Variants in FOXP2 observed in about 807,000 individuals in gnomAD.
The protein encoded by FOXP2 is forkhead box P2, also known as forkhead box protein P2.
Under a neutral mutation model 115.8 loss-of-function variants are expected in FOXP2, and 12 were observed. That is an observed-to-expected ratio of 0.10 (90% confidence interval 0.07 to 0.17). FOXP2 has a LOEUF of 0.17. Ranked by LOEUF, FOXP2 falls within the 10% of genes least tolerant of loss-of-function variation. FOXP2 has a pLI of 1.00. For synonymous variants in FOXP2, 328 were observed against 297.7 expected, an observed-to-expected ratio of 1.10 and a Z score of -1.05; for missense variants, 629 against 843.5, an observed-to-expected ratio of 0.75 and a Z score of 3.15.
In FOXP2 at chr7:114,262,024, C is replaced by T. The variant is rs575173893; in HGVS notation, c.-101-25995C>T. On this transcript the variant is annotated intron_variant, in intron 1 of 17. Transcript: ENST00000634411. The stretch of plus-strand genomic sequence containing the variant: ...AGTGAGCCCGGATCACGCCATTGTA[C>T]TCCAGCCTGGGTGATAAGAGCGAGA... Among the ~76,000 whole-genome samples, 36 of 152,234 alleles carry T rather than the reference C, an allele frequency of 2.4e-4. 1 individual carries two copies. In the East Asian group the frequency reaches 7.0e-3, roughly 29 times the overall value.
chr7:114,377,202 G>A (rs890845731), intron 2 of FOXP2, among the ~76,000 whole-genome samples: 2 of 152,190 alleles, frequency 1.3e-5, no homozygotes, highest in Non-Finnish European at 2.9e-5. Flanking sequence ...TTGATGAGAT[G>A]TAGAATTCAA....
At chr7:114,686,311 T>A (rs1808364220) in intron 16 of FOXP2, among the ~76,000 whole-genome samples, 1 of 152,114 alleles carries the variant, frequency 6.6e-6, no homozygotes, top group South Asian at 2.1e-4. Flanking sequence ...TAACTGGGAT[T>A]ACAGGTGCAT....
At position 114,510,639 on chromosome 7, in the gene FOXP2, T is replaced by C. The variant is rs190771917; in HGVS notation, c.169-23978T>C. The stretch of plus-strand genomic sequence containing the variant: ...AATAAAGGGCACTTTAAAAAGTATG[T>C]CTTTTACCACAATGAGATACCATTT... On this transcript the variant is annotated intron_variant, in intron 2 of 16. Transcript: ENST00000350908. Among the ~76,000 whole-genome samples, 227 of 152,170 alleles carry C rather than the reference T, an allele frequency of 1.5e-3. 2 individuals carry two copies. Among genetic ancestry groups the C allele is most frequent in the Non-Finnish European group, 7.2e-4 (49 of 67,968 alleles).
intron 1 of FOXP2, among the ~76,000 whole-genome samples, chr7:114,278,051 A>G (rs78296638): frequency 0.019 from 2,793 of 146,598 alleles, 80 homozygotes; most frequent in African/African-American, 0.057. Context: ...AAAAAAAAGA[A>G]TTCATCCGGG....
intron 2 of FOXP2, among the ~76,000 whole-genome samples, chr7:114,517,184 T>C (rs1584838728): frequency 6.6e-6 from 1 of 152,176 alleles, no homozygotes; most frequent in Non-Finnish European, 1.5e-5. Context: ...TTTCCCATTT[T>C]TTAATCAAAC....
intron 3 of FOXP2, among the ~76,000 whole-genome samples, chr7:114,611,700 G>T (rs540639234): frequency 1.3e-5 from 2 of 151,890 alleles, no homozygotes; most frequent in Non-Finnish European, 2.9e-5. Context: ...CGCTATAATC[G>T]CAATTCCTTT....
Position 114,589,017 on chromosome 7 carries a change from C to T in FOXP2, c.259-39523C>T, listed in dbSNP as rs74349133. ...ATCTTTATTACTCAAAAAATAAACT[C>T]GAGTATATATTTTTTCTATCTATTG... On this transcript the variant is annotated intron_variant, in intron 3 of 16. Transcript: ENST00000350908. Among the ~76,000 whole-genome samples, 22 of 152,152 alleles carry T rather than the reference C, an allele frequency of 1.4e-4. No individual in the cohort carries two copies. The East Asian group carries it at 1.9e-3, about 13-fold the overall frequency.
At chr7:114,547,585 G>A (rs976222109) in intron 3 of FOXP2, among the ~76,000 whole-genome samples, 8 of 152,112 alleles carry the variant, frequency 5.3e-5, no homozygotes, top group East Asian at 3.9e-4. Context: ...GTGAAACCCC[G>A]TCTCTACTAA....
At chr7:114,165,376 A>T (rs370200409) in intron 1 of FOXP2, among the ~76,000 whole-genome samples, 5 of 152,320 alleles carry the variant, frequency 3.3e-5, no homozygotes, top group East Asian at 1.9e-4. Context: ...CTGTATAGAA[A>T]ATCCCATATA....
chr7:114,352,691 G>T (rs937120785), intron 2 of FOXP2, among the ~76,000 whole-genome samples: 6 of 151,872 alleles, frequency 4.0e-5, no homozygotes, highest in Admixed American at 2.6e-4. Flanking sequence ...TATCTAAAGG[G>T]CCCACACTAA....
At chr7:114,477,415 A>G (rs1302777223) in intron 2 of FOXP2, among the ~76,000 whole-genome samples, 4 of 152,022 alleles carry the variant, frequency 2.6e-5, no homozygotes, top group African/African-American at 9.7e-5. Context: ...CAGAAAACTA[A>G]ATCCCACATG....
At chr7:114,570,813 C>A in intron 3 of FOXP2, 2 of 1,611,474 alleles carry the variant, frequency 1.2e-6, no homozygotes, top group Non-Finnish European at 1.7e-6. Flanking sequence ...CTAGGAATTG[C>A]TTCCAGAAAC....
intron 2 of FOXP2, among the ~76,000 whole-genome samples, chr7:114,439,431 G>T (rs1315333381): frequency 6.6e-6 from 1 of 151,980 alleles, no homozygotes; most frequent in Non-Finnish European, 1.5e-5. Context: ...GACATCTCTA[G>T]TTGATTAATC....
chr7:114,692,263 C>G lies in FOXP2; in HGVS notation c.*2337C>G. 2.2e-6 allele frequency: 1 copy of G among 453,926 alleles called. No individual in the cohort carries two copies. The highest frequency in any genetic ancestry group is 4.4e-6 in the Non-Finnish European group (1 of 226,724). 28.1% of individuals were successfully genotyped at this position (453,926 alleles called of 1,614,324 possible). On this transcript the variant is annotated 3_prime_UTR_variant, in exon 17 of 17. Coordinates refer to ENST00000350908, the MANE Select transcript of FOXP2 (RefSeq NM_014491.4). ...AGACTACAATGCTAAAGTATGCATACCTCAGTTAGAAAACTTTTGAAAGGA... is the reference window on the plus strand; with the variant it reads ...AGACTACAATGCTAAAGTATGCATAGCTCAGTTAGAAAACTTTTGAAAGGA...
chr7:114,372,024 A>G (rs941406004), intron 2 of FOXP2, among the ~76,000 whole-genome samples: 2 of 152,228 alleles, frequency 1.3e-5, no homozygotes, highest in Non-Finnish European at 2.9e-5. Flanking sequence ...ACTATGTATC[A>G]TATATTCTAC....
chr7:114,087,436 G>A (rs573165760), upstream of FOXP2, among the ~76,000 whole-genome samples: 7 of 147,350 alleles, frequency 4.8e-5, no homozygotes, highest in African/African-American at 1.5e-4. Flanking sequence ...GTTTGTGGGT[G>A]GGTTTGGGGT....
chr7:114,180,601 C>T (rs910942460), intron 1 of FOXP2, among the ~76,000 whole-genome samples: 1 of 151,992 alleles, frequency 6.6e-6, no homozygotes, highest in African/African-American at 2.4e-5. Context: ...TCCTGCCCCA[C>T]ATATCAAACT....
At chr7:114,308,808 A>G (rs1315261263) in intron 2 of FOXP2, among the ~76,000 whole-genome samples, 1 of 152,196 alleles carries the variant, frequency 6.6e-6, no homozygotes, top group Non-Finnish European at 1.5e-5. Flanking sequence ...TTTCAGGGCC[A>G]CAATATCATG....
intron 3 of FOXP2, among the ~76,000 whole-genome samples, chr7:114,575,069 A>G (rs1801506310): frequency 6.6e-6 from 1 of 151,780 alleles, no homozygotes; most frequent in Admixed American, 6.6e-5. Flanking sequence ...TTCCAAATTC[A>G]TCTCTCTCTT....
Sources: gnomAD v4.1 joint callset for allele counts (sites outside exome capture counted in the v4.1 genomes callset) on GRCh38, gnomAD v4.1.1 for gene constraint, MANE v1.5 for transcripts, NCBI Gene and HGNC (gene_info 2026-07-23, HGNC 2026-07-21) for gene names.